The following MKLN1 variants were observed in gnomAD, a reference collection of about 807,000 sequenced individuals.
MKLN1 encodes muskelin.
In MKLN1, 18 loss-of-function variants were observed where a neutral mutation model predicts 99.0. That is an observed-to-expected ratio of 0.18 (90% CI 0.13 to 0.27). The LOEUF is 0.27. Among genes scored for constraint, MKLN1 ranks in the 10% least tolerant of loss-of-function variants. The probability of loss-of-function intolerance (pLI) is 1.00; values close to 1 mark genes in which losing one functional copy is unlikely to be tolerated. For missense variants in MKLN1, 621 were observed against 875.9 expected (o/e 0.71, Z 3.67); for synonymous variants, 288 against 293.2 (o/e 0.98, Z 0.18).
chr7:131,114,079 T>G (rs1280224131), intron 1 of MKLN1, among the ~76,000 whole-genome samples: 2 of 152,146 alleles, frequency 1.3e-5, no homozygotes, highest in African/African-American at 2.4e-5. Flanking sequence ...ATGTCTAAAC[T>G]AAGGTAGCAA....
At chr7:131,217,082 A>C (rs974143017) in intron 3 of MKLN1, among the ~76,000 whole-genome samples, 8 of 152,214 alleles carry the variant, frequency 5.3e-5, no homozygotes, top group African/African-American at 1.7e-4. Flanking sequence ...CATTTCATCT[A>C]GAAAGTGAAT....
chr7:131,155,286 C>T (rs748088433), intron 2 of MKLN1, among the ~76,000 whole-genome samples: 17 of 152,070 alleles, frequency 1.1e-4, no homozygotes, highest in Non-Finnish European at 2.4e-4. Context: ...GCATTTGAAA[C>T]GAAGGAGGAA....
At chr7:131,433,506 T>C (rs975233942) in intron 9 of MKLN1, among the ~76,000 whole-genome samples, 1 of 152,196 alleles carries the variant, frequency 6.6e-6, no homozygotes, top group Non-Finnish European at 1.5e-5. Flanking sequence ...TCTCACCCTT[T>C]TATCATCCAT....
At chr7:131,251,093 A>ATGTGTGTGTG (rs34359037) in intron 3 of MKLN1, among the ~76,000 whole-genome samples, 18 of 146,258 alleles carry the variant, frequency 1.2e-4, no homozygotes, top group South Asian at 6.9e-4. Context: ...TGGGGCCCAG[A>ATGTGTGTGTG]TGTGTGTGTG....
intron 1 of MKLN1, among the ~76,000 whole-genome samples, chr7:131,141,826 C>G (rs981603894): frequency 6.6e-6 from 1 of 152,152 alleles, no homozygotes; most frequent in South Asian, 2.1e-4. Flanking sequence ...CTGTTTCTAC[C>G]GTGCCCTGTC....
chr7:131,152,612 G>A (rs561914664), intron 2 of MKLN1, among the ~76,000 whole-genome samples: 1 of 150,654 alleles, frequency 6.6e-6, no homozygotes, highest in Non-Finnish European at 1.5e-5. Flanking sequence ...CGATTCTCCT[G>A]CCTTAGCCTC....
intron 2 of MKLN1, among the ~76,000 whole-genome samples, chr7:131,151,387 A>G (rs1019691807): frequency 6.6e-6 from 1 of 152,238 alleles, no homozygotes; most frequent in Non-Finnish European, 1.5e-5. Context: ...TTTTGTGCCA[A>G]ACTGGATCTG....
chr7:131,393,204 C>T (rs1454016603), intron 4 of MKLN1, among the ~76,000 whole-genome samples: 1 of 152,082 alleles, frequency 6.6e-6, no homozygotes, highest in Non-Finnish European at 1.5e-5. Context: ...AAACTGCTAG[C>T]CTTGGGATAT....
At chr7:131,195,210 T>C (rs970962560) in intron 2 of MKLN1, among the ~76,000 whole-genome samples, 4 of 152,132 alleles carry the variant, frequency 2.6e-5, no homozygotes, top group African/African-American at 9.7e-5. Flanking sequence ...AAGAAGGTGA[T>C]TAAAATATGT....
chr7:131,291,009 C>G (rs1249244598), intron 3 of MKLN1, among the ~76,000 whole-genome samples: 2 of 152,262 alleles, frequency 1.3e-5, no homozygotes, highest in African/African-American at 4.8e-5. Context: ...ATAAACAAAC[C>G]AAGGCCCCAA....
chr7:131,428,883 A>G (rs1441650406), intron 8 of MKLN1, 150 bp from the exon 9 acceptor site: 2 of 587,000 alleles, frequency 3.4e-6, no homozygotes, highest in Non-Finnish European at 6.0e-6. Flanking sequence ...AGTCTAGTAT[A>G]TATTTGAGAA....
intron 3 of MKLN1, among the ~76,000 whole-genome samples, chr7:131,275,567 ATTT>A (rs869119196): frequency 1.2e-3 from 7 of 5,604 alleles, no homozygotes; most frequent in African/African-American, 2.0e-3. Context: ...ATATATATAT[ATTT>A]TTTTTTTTTT....
Position 131,490,598 on chromosome 7 carries a change from T to C in MKLN1, c.*2870T>C, listed in dbSNP as rs1229762714. On this transcript the variant is annotated 3_prime_UTR_variant, in exon 18 of 18. Transcript: ENST00000352689. Reference sequence around the variant, plus strand: ...AGCTGACAGACAGTATTAACTCTTATCAAGGCCATCTTTTAGACCTGATTT... The same window carrying C: ...AGCTGACAGACAGTATTAACTCTTACCAAGGCCATCTTTTAGACCTGATTT... 2 of 152,584 alleles carry C rather than the reference T, an allele frequency of 1.3e-5. No individual in the cohort carries two copies. The highest frequency in any genetic ancestry group is 2.9e-5 in the Non-Finnish European group (2 of 68,016). The allele number at this position is 152,584 out of a possible 1,614,324, so 9.5% of individuals were successfully genotyped here. A position where few individuals can be genotyped will look rare whatever the true frequency, so the allele number is the denominator to read the frequency against.
chr7:131,274,300 C>T (rs1797929101), intron 3 of MKLN1, among the ~76,000 whole-genome samples: 1 of 152,050 alleles, frequency 6.6e-6, no homozygotes, highest in South Asian at 2.1e-4. Context: ...TCTTTGCCTT[C>T]CTTGTGTGTT....
intron 12 of MKLN1, among the ~76,000 whole-genome samples, chr7:131,449,824 A>C (rs1191201419): frequency 6.6e-6 from 1 of 152,044 alleles, no homozygotes; most frequent in Non-Finnish European, 1.5e-5. Flanking sequence ...TTCAGTCCTT[A>C]GTTAACCTTA....
At chr7:131,485,373 A>G (rs1797243549) in intron 17 of MKLN1, among the ~76,000 whole-genome samples, 1 of 152,136 alleles carries the variant, frequency 6.6e-6, no homozygotes, top group Non-Finnish European at 1.5e-5. Flanking sequence ...CAACAACTGT[A>G]GAAGGAGTCA....
intron 12 of MKLN1, among the ~76,000 whole-genome samples, chr7:131,460,800 T>G (rs1563360293): frequency 1.3e-5 from 2 of 152,202 alleles, no homozygotes; most frequent in African/African-American, 4.8e-5. Flanking sequence ...TGTTATAAAA[T>G]TTTTAATTCA....
chr7:131,373,836 A>G (rs1793545519), intron 1 of MKLN1, among the ~76,000 whole-genome samples: 1 of 152,170 alleles, frequency 6.6e-6, no homozygotes, highest in African/African-American at 2.4e-5. Flanking sequence ...TTTTCCCACA[A>G]GTATTCTTTC....
At chr7:131,401,171 T>G (rs1277110965) in intron 6 of MKLN1, among the ~76,000 whole-genome samples, 1 of 152,142 alleles carries the variant, frequency 6.6e-6, no homozygotes, top group Admixed American at 6.5e-5. Context: ...AAAAGCTACT[T>G]TTAGTATTTT....
Sources: gnomAD v4.1 joint callset for allele counts (sites outside exome capture counted in the v4.1 genomes callset) on GRCh38, gnomAD v4.1.1 for gene constraint, MANE v1.5 for transcripts, NCBI Gene and HGNC (gene_info 2026-07-23, HGNC 2026-07-21) for gene names.